Variants in COL14A1 observed in about 807,000 individuals in gnomAD.
COL14A1 encodes the protein collagen type XIV alpha 1 chain.
COL14A1 carries 136 observed loss-of-function variants against 230.3 expected under a neutral mutation model. That is an observed-to-expected ratio of 0.59 (90% CI 0.51 to 0.68). COL14A1 has a LOEUF of 0.68. Ranked by LOEUF, COL14A1 falls within the 30% of genes least tolerant of loss-of-function variation. The probability of loss-of-function intolerance (pLI) is 0.00; values close to 1 mark genes in which losing one functional copy is unlikely to be tolerated. For synonymous variants in COL14A1, 792 were observed against 784.1 expected, an observed-to-expected ratio of 1.01 and a Z score of -0.17; for missense variants, 1,976 against 2,215.8, an observed-to-expected ratio of 0.89 and a Z score of 2.17.
intron 2 of COL14A1, among the ~76,000 whole-genome samples, chr8:120,151,107 AC>A (rs1420257149): frequency 3.3e-5 from 5 of 152,100 alleles, no homozygotes; most frequent in Non-Finnish European, 7.4e-5. Flanking sequence ...GCTGGGGGAA[AC>A]CTCAATAAGA....
chr8:120,127,077 C>A (rs1333162723), intron 1 of COL14A1, among the ~76,000 whole-genome samples: 1 of 152,210 alleles, frequency 6.6e-6, no homozygotes, highest in Non-Finnish European at 1.5e-5. Context: ...TACCTATTAG[C>A]AGTACCTCCC....
At chr8:120,203,973 A>G in intron 9 of COL14A1, 103 bp downstream of exon 9, 1 of 1,220,882 alleles carries the variant, frequency 8.2e-7, no homozygotes, top group Non-Finnish European at 1.1e-6. Flanking sequence ...GGCTTTTTGA[A>G]GACCCCTTAT....
intron 19 of COL14A1, among the ~76,000 whole-genome samples, chr8:120,236,334 T>G (rs1818443694): frequency 6.6e-6 from 1 of 152,226 alleles, no homozygotes; most frequent in Non-Finnish European, 1.5e-5. Context: ...GATAGTTAGC[T>G]CCTCTTGTTG....
At chr8:120,285,056 T>C (rs1286426953) in intron 32 of COL14A1, among the ~76,000 whole-genome samples, 1 of 152,104 alleles carries the variant, frequency 6.6e-6, no homozygotes, top group Non-Finnish European at 1.5e-5. Context: ...TAGGAATAAT[T>C]TAAGATTAGA....
At chr8:120,277,938 A>G (rs1042089101) in intron 26 of COL14A1, 173 bp from the exon 27 acceptor site, 49 of 539,416 alleles carry the variant, frequency 9.1e-5, no homozygotes, top group Non-Finnish European at 1.5e-4. Flanking sequence ...GAAAAGATGT[A>G]TTTAATTTGT....
chr8:120,173,684 A>ATCTATCTG (rs555180222), intron 5 of COL14A1, among the ~76,000 whole-genome samples: 2 of 151,370 alleles, frequency 1.3e-5, no homozygotes, highest in African/African-American at 4.9e-5. Flanking sequence ...CTATCTATCT[A>ATCTATCTG]TCTATCTATC....
chr8:120,243,631 G>A (rs1229427060), intron 19 of COL14A1, among the ~76,000 whole-genome samples: 1 of 152,188 alleles, frequency 6.6e-6, no homozygotes, highest in Admixed American at 6.5e-5. Context: ...GATGTTGAGA[G>A]AAGAATATTC....
chr8:120,242,053 T>A (rs984630588), intron 19 of COL14A1, among the ~76,000 whole-genome samples: 1 of 152,196 alleles, frequency 6.6e-6, no homozygotes, highest in African/African-American at 2.4e-5. Context: ...TTAAAAATAT[T>A]GTATAAAATT....
intron 17 of COL14A1, among the ~76,000 whole-genome samples, chr8:120,228,485 T>C (rs1818162691): frequency 6.6e-6 from 1 of 152,222 alleles, no homozygotes; most frequent in Non-Finnish European, 1.5e-5. Context: ...GCCTGGTATC[T>C]GTGATGAGAA....
chr8:120,249,777 A>G (rs552254467), intron 21 of COL14A1, among the ~76,000 whole-genome samples: 1 of 152,322 alleles, frequency 6.6e-6, no homozygotes, highest in South Asian at 2.1e-4. Flanking sequence ...TTCTAGGCCA[A>G]GTGGGAGAAA....
At chr8:120,199,303 A>G (rs1237358775) in intron 7 of COL14A1, 99 bp from the exon 8 acceptor site, 15 of 1,106,554 alleles carry the variant, frequency 1.4e-5, no homozygotes, top group Non-Finnish European at 1.8e-5. Context: ...TAAAAAGTCT[A>G]TGGCTCAATA....
rs1484515277 is a variant in COL14A1 at position 120,369,348 on chromosome 8, G to A, written c.5174G>A (p.Arg1725Gln). Residue 1725 changes from arginine (R) to glutamine (Q), a missense_variant, in exon 47 of 48, where the codon CGG becomes CAG. Arg to Gln is a conservative substitution (Grantham distance 43). Around this residue, in one of 3 missense-constraint regions of COL14A1, gnomAD observed 1,791 missense variants for 2,019.5 expected, o/e 0.89. Transcript: ENST00000297848. ...TTCTTAGGACCTTCAGGGGAGAGTCGGCCTGGCAGCCCTGGGCCCCCTGGC... is the reference window on the plus strand; with the variant it reads ...TTCTTAGGACCTTCAGGGGAGAGTCAGCCTGGCAGCCCTGGGCCCCCTGGC... ...PGPAGPSGESRPGSPGPPGSP... is the reference protein window; with the variant it reads ...PGPAGPSGESQPGSPGPPGSP... The A allele has an allele frequency of 5.7e-6, 9 of 1,589,698 alleles. No individual in the cohort carries two copies. The highest frequency in any genetic ancestry group is 1.8e-5 in the Admixed American group (1 of 55,704).
rs1418118808 is a variant in COL14A1, at chr8:120,314,012, C to T, written c.4536C>T (p.Ser1512=). The T allele has an allele frequency of 1.2e-6, 2 of 1,610,314 alleles. No homozygotes were observed. The highest frequency in any genetic ancestry group is 2.2e-5 in the South Asian group (2 of 90,356). Residue 1512 remains serine, a synonymous_variant, in exon 38 of 48, where the codon TCC becomes TCT. Transcript: ENST00000297848. The part of the protein sequence containing the change: ...PPGPQGPSGL[S]IQGMPGMPGE... ...GACCTCAAGGACCAAGTGGTCTGTC[C>T]ATTCAAGGAATGCCCGTGAGTTGTG... is the stretch of plus-strand genomic sequence containing the variant.
At chr8:120,180,638 C>G (rs1003867083) in intron 5 of COL14A1, among the ~76,000 whole-genome samples, 14 of 151,790 alleles carry the variant, frequency 9.2e-5, no homozygotes, top group Non-Finnish European at 1.8e-4. Flanking sequence ...GAAGTCCCCC[C>G]CAGAGTTTCA....
chr8:120,337,449 C>T (rs190234201), intron 42 of COL14A1, among the ~76,000 whole-genome samples: 62 of 148,980 alleles, frequency 4.2e-4, no homozygotes, highest in African/African-American at 1.4e-3. Context: ...AAAGAAGGTA[C>T]GTTTATATTC....
intron 35 of COL14A1, among the ~76,000 whole-genome samples, chr8:120,298,357 T>C (rs576491136): frequency 6.6e-6 from 1 of 151,776 alleles, no homozygotes; most frequent in Admixed American, 6.6e-5. Flanking sequence ...CTCCCAGGCA[T>C]CTTGGTGTAC....
At chr8:120,138,308 A>T (rs1814776852) in intron 1 of COL14A1, among the ~76,000 whole-genome samples, 1 of 152,148 alleles carries the variant, frequency 6.6e-6, no homozygotes, top group Non-Finnish European at 1.5e-5. Flanking sequence ...ATTTATGATT[A>T]ATTTTTCCTA....
chr8:120,287,650 A>T (rs1393092367), intron 33 of COL14A1, among the ~76,000 whole-genome samples: 3 of 152,154 alleles, frequency 2.0e-5, no homozygotes, highest in African/African-American at 7.2e-5. Flanking sequence ...AAACCTTCAA[A>T]TTTTTAAAAG....
intron 31 of COL14A1, 83 bp from the exon 32 acceptor site, chr8:120,283,553 T>C: frequency 1.4e-6 from 2 of 1,422,840 alleles, no homozygotes; most frequent in Non-Finnish European, 1.9e-6. Flanking sequence ...TCTTGTGTAA[T>C]GAAAATGTAT....
Sources: allele counts gnomAD v4.1 joint callset (sites outside exome capture counted in the v4.1 genomes callset), GRCh38; gene constraint gnomAD v4.1.1; regional missense constraint gnomAD v4.1.1; transcripts MANE v1.5; gene names NCBI Gene and HGNC (gene_info 2026-07-23, HGNC 2026-07-21).